DGKI: variants seen among roughly 807,000 people sequenced by gnomAD.
The protein encoded by DGKI is diacylglycerol kinase iota.
DGKI carries 55 observed loss-of-function variants against 147.5 expected under a neutral mutation model. The observed-to-expected ratio is 0.37, with a 90% CI of 0.30 to 0.47. The LOEUF (loss-of-function observed/expected upper bound fraction) is 0.47, where lower values mean the gene tolerates loss of function less well. DGKI is among the 20% of genes least tolerant of loss of function. The pLI, the probability that DGKI is intolerant of heterozygous loss-of-function variation, is 1.00. For missense variants in DGKI, 1,007 were observed against 1,323.8 expected (o/e 0.76, Z 3.71); for synonymous variants, 469 against 477.1 (o/e 0.98, Z 0.22).
At chr7:137,502,951 AC>A (rs1162343209) in intron 21 of DGKI, among the ~76,000 whole-genome samples, 25 of 152,154 alleles carry the variant, frequency 1.6e-4, no homozygotes, top group Admixed American at 1.6e-3. Context: ...CTTCACAAGC[AC>A]TAGGGAAAGG....
At chr7:137,466,326 C>A (rs1467499049) in intron 25 of DGKI, among the ~76,000 whole-genome samples, 2 of 152,216 alleles carry the variant, frequency 1.3e-5, no homozygotes, top group African/African-American at 4.8e-5. Flanking sequence ...CACCCACATA[C>A]AATTGGCCCA....
rs1563040312 is a variant in DGKI at position 137,472,364 on chromosome 7, A to ATATAATTATTATATGTATATATACATAT, written c.2374-2773_2374-2746dup. The stretch of plus-strand genomic sequence containing the variant: ...ATATAATTATTATATGTATATATAC[A>ATATAATTATTATATGTATATATACATAT]TATAATTATTATATGTATATATACA... On this transcript the variant is annotated intron_variant, in intron 23 of 32. Transcript: ENST00000614521. 7.7e-4 allele frequency among the ~76,000 whole-genome samples: 69 copies of ATATAATTATTATATGTATATATACATAT among 89,440 alleles called. 1 individual carries two copies. Among genetic ancestry groups the ATATAATTATTATATGTATATATACATAT allele is most frequent in the East Asian group, 1.5e-3 (5 of 3,290 alleles). The allele number at this position is 89,440 out of a possible 152,430, so 58.7% of individuals were successfully genotyped here.
intron 1 of DGKI, among the ~76,000 whole-genome samples, chr7:137,836,674 A>C (rs1798390264): frequency 6.6e-6 from 1 of 152,210 alleles, no homozygotes; most frequent in East Asian, 1.9e-4. Flanking sequence ...TCTTGGCCCC[A>C]GGAAACTGGA....
intron 20 of DGKI, among the ~76,000 whole-genome samples, chr7:137,539,019 C>G (rs1817604588): frequency 6.6e-6 from 1 of 152,128 alleles, no homozygotes; most frequent in African/African-American, 2.4e-5. Flanking sequence ...ACTCTGAATG[C>G]CGAAAGAAAT....
chr7:137,711,332 T>C (rs1437268444), intron 1 of DGKI, among the ~76,000 whole-genome samples: 1 of 152,036 alleles, frequency 6.6e-6, no homozygotes, highest in African/African-American at 2.4e-5. Context: ...CAGAAAAATA[T>C]AAAGGCAACT....
At chr7:137,525,606 C>T (rs972981399) in intron 20 of DGKI, among the ~76,000 whole-genome samples, 1 of 152,078 alleles carries the variant, frequency 6.6e-6, no homozygotes, top group Non-Finnish European at 1.5e-5. Context: ...CTTCATTTTC[C>T]TCATAGGTAA....
Position 137,407,872 on chromosome 7 carries a change from T to C in DGKI, c.2920+3A>G. ...CCTTGGTAAGTTCACTATGCCTACT[T>C]ACCGTGGTCAAGGATATATTTCACA... On this transcript the variant is annotated splice_donor_region_variant and intron_variant, in intron 30 of 32. Coordinates refer to ENST00000614521, the MANE Select transcript of DGKI (RefSeq NM_001321708.2). 6.2e-7 allele frequency: 1 copy of C among 1,613,992 alleles called. No homozygotes were observed. The highest frequency in any genetic ancestry group is 1.1e-5 in the South Asian group (1 of 91,062).
chr7:137,630,993 T>A (rs1050735705), intron 6 of DGKI, among the ~76,000 whole-genome samples: 2 of 152,166 alleles, frequency 1.3e-5, no homozygotes, highest in African/African-American at 4.8e-5. Flanking sequence ...GGGTTTTTTT[T>A]GAAAAAAAGA....
At chr7:137,497,068 G>A (rs184217351) in intron 21 of DGKI, among the ~76,000 whole-genome samples, 12 of 151,172 alleles carry the variant, frequency 7.9e-5, no homozygotes, top group African/African-American at 2.7e-4. Context: ...TCTGACAAAC[G>A]TGTAATATCC....
At chr7:137,497,108 CA>C (rs57051537) in intron 21 of DGKI, among the ~76,000 whole-genome samples, 25,364 of 123,002 alleles carry the variant, frequency 0.21, 3,023 homozygotes, top group African/African-American at 0.39. Context: ...AACAAATTTA[CA>C]AAAAAAAAAA....
intron 28 of DGKI, among the ~76,000 whole-genome samples, chr7:137,416,315 G>C (rs1348199897): frequency 6.6e-6 from 1 of 152,150 alleles, no homozygotes; most frequent in Non-Finnish European, 1.5e-5. Flanking sequence ...GTTCATAGAA[G>C]GCTTCCTGAA....
At chr7:137,575,465 T>C (rs3823547) in intron 17 of DGKI, among the ~76,000 whole-genome samples, 9,796 of 152,184 alleles carry the variant, frequency 0.064, 796 homozygotes, top group African/African-American at 0.19. Context: ...TCCGGTGACT[T>C]GCACAGTACA....
At chr7:137,737,148 T>C (rs897712753) in intron 1 of DGKI, among the ~76,000 whole-genome samples, 1 of 144,370 alleles carries the variant, frequency 6.9e-6, no homozygotes, top group African/African-American at 2.6e-5. Context: ...GGTCTGTGCA[T>C]ACTCACTAAA....
chr7:137,783,003 C>T (rs191428199), intron 1 of DGKI, among the ~76,000 whole-genome samples: 7 of 152,330 alleles, frequency 4.6e-5, no homozygotes, highest in Admixed American at 4.6e-4. Flanking sequence ...CCAGATCTTT[C>T]CTCTGACATA....
intron 2 of DGKI, among the ~76,000 whole-genome samples, chr7:137,682,494 A>G (rs1230422201): frequency 6.6e-6 from 1 of 152,202 alleles, no homozygotes; most frequent in African/African-American, 2.4e-5. Flanking sequence ...AATGTTCCGC[A>G]TAAAACAAGA....
chr7:137,525,852 C>A (rs1817125595), intron 20 of DGKI, among the ~76,000 whole-genome samples: 1 of 152,062 alleles, frequency 6.6e-6, no homozygotes, highest in Non-Finnish European at 1.5e-5. Flanking sequence ...CATGAAGGAA[C>A]CTCCCTAAAC....
At chr7:137,459,703 T>C (rs1279402082) in intron 27 of DGKI, among the ~76,000 whole-genome samples, 5 of 152,108 alleles carry the variant, frequency 3.3e-5, no homozygotes, top group South Asian at 2.1e-4. Flanking sequence ...CTTGATCTCC[T>C]GACCTCGTGA....
intron 24 of DGKI, 60 bp downstream of exon 24, chr7:137,469,490 G>T: frequency 6.4e-7 from 1 of 1,550,448 alleles, no homozygotes; most frequent in Non-Finnish European, 8.9e-7. Context: ...CCTATCAATT[G>T]ATGCCTTGCT....
chr7:137,762,217 C>T (rs1387987433), intron 1 of DGKI, among the ~76,000 whole-genome samples: 1 of 152,170 alleles, frequency 6.6e-6, no homozygotes, highest in Non-Finnish European at 1.5e-5. Context: ...CAGTATATCC[C>T]AAACTTAACT....
Sources: gnomAD v4.1 joint callset for allele counts (sites outside exome capture counted in the v4.1 genomes callset) on GRCh38, gnomAD v4.1.1 for gene constraint, MANE v1.5 for transcripts, NCBI Gene and HGNC (gene_info 2026-07-23, HGNC 2026-07-21) for gene names.